The following TTC29 variants were observed in gnomAD, a reference collection of about 807,000 sequenced individuals.
TTC29 encodes the protein tetratricopeptide repeat domain 29, also known as tetratricopeptide repeat protein 29.
In TTC29, 49 loss-of-function variants were observed where a neutral mutation model predicts 58.1. The observed-to-expected ratio is 0.84, with a 90% confidence interval of 0.67 to 1.07. The LOEUF (loss-of-function observed/expected upper bound fraction) is 1.07, where lower values mean the gene tolerates loss of function less well. Among genes scored for constraint, TTC29 ranks in the 50% least tolerant of loss-of-function variants. TTC29 has a pLI of 0.00. For missense variants in TTC29, 582 were observed against 555.6 expected (o/e 1.05, Z -0.48); for synonymous variants, 209 against 196.8 (o/e 1.06, Z -0.52).
chr4:146,861,730 A>C (rs890160423), intron 8 of TTC29, among the ~76,000 whole-genome samples: 1 of 152,162 alleles, frequency 6.6e-6, no homozygotes, highest in Non-Finnish European at 1.5e-5. Flanking sequence ...ATTTCAGATT[A>C]ATAGAACTAT....
chr4:146,854,084 T>A (rs1561190420), intron 8 of TTC29, among the ~76,000 whole-genome samples: 1 of 152,114 alleles, frequency 6.6e-6, no homozygotes, highest in Non-Finnish European at 1.5e-5. Context: ...TCCTAGAGCG[T>A]CCCAGCAGGA....
At chr4:146,717,254 T>C (rs960673221) in intron 11 of TTC29, among the ~76,000 whole-genome samples, 5 of 152,090 alleles carry the variant, frequency 3.3e-5, no homozygotes, top group African/African-American at 1.2e-4. Context: ...GGGAATATGG[T>C]CAGCACTTGT....
intron 4 of TTC29, among the ~76,000 whole-genome samples, chr4:146,925,154 T>C (rs1734841332): frequency 6.6e-6 from 1 of 152,044 alleles, no homozygotes. Flanking sequence ...AAATCCTCCA[T>C]GCACAGTTGA....
intron 6 of TTC29, among the ~76,000 whole-genome samples, chr4:146,877,207 G>T (rs188088503): frequency 2.8e-4 from 42 of 152,178 alleles, no homozygotes; most frequent in Admixed American, 2.8e-3. Flanking sequence ...AGCATTATCA[G>T]TGTTATGTCT....
In TTC29 at chr4:146,890,510, G is replaced by A. The variant is rs143922970; in HGVS notation, c.586+13034C>T. Among the ~76,000 whole-genome samples, 5 of 152,138 alleles carry A rather than the reference G, an allele frequency of 3.3e-5. No individual in the cohort carries two copies. The East Asian group carries it at 7.7e-4, about 23-fold the overall frequency. Reference sequence around the variant, plus strand: ...AAGAGATAACTAGAATCACAGACACGGTTACAAGTGAGGTGCACCTGGGAG... The same window carrying A: ...AAGAGATAACTAGAATCACAGACACAGTTACAAGTGAGGTGCACCTGGGAG... On this transcript the variant is annotated intron_variant, in intron 6 of 12. Transcript: ENST00000325106.
intron 11 of TTC29, among the ~76,000 whole-genome samples, chr4:146,787,201 G>T (rs1749088472): frequency 6.6e-6 from 1 of 152,170 alleles, no homozygotes; most frequent in Non-Finnish European, 1.5e-5. Flanking sequence ...ATATGAAGGT[G>T]ATGGTACATG....
intron 11 of TTC29, among the ~76,000 whole-genome samples, chr4:146,777,957 G>T (rs911029258): frequency 2.0e-5 from 3 of 152,136 alleles, no homozygotes; most frequent in Non-Finnish European, 4.4e-5. Flanking sequence ...GGGTGGATTG[G>T]GGTGAAAAAA....
rs550897502 is a variant in TTC29, at chr4:146,734,044, C to T, written c.1331-26493G>A. ...TAACTAAAGAAGAAATGTTAGACAA[C>T]TGGCCAAAGGAGAGCTACAAAACTT... On this transcript the variant is annotated intron_variant, in intron 11 of 12. Coordinates refer to ENST00000325106, the MANE Select transcript of TTC29 (RefSeq NM_031956.4). Among the ~76,000 whole-genome samples the T allele has an allele frequency of 3.9e-5, 6 of 152,216 alleles. No homozygotes were observed. In the South Asian group the frequency reaches 1.2e-3, roughly 32 times the overall value.
intron 2 of TTC29, among the ~76,000 whole-genome samples, chr4:146,940,829 C>G (rs138316152): frequency 1.3e-5 from 2 of 152,334 alleles, no homozygotes; most frequent in East Asian, 3.9e-4. Flanking sequence ...GCTTTATCCC[C>G]TTTTAGGGTC....
rs1250048875 is a variant in TTC29 at position 146,917,617 on chromosome 4, A to ACATTATATATTATGTATATAATATC, written c.177-8369_177-8368insGATATTATATACATAATATATAATG. On this transcript the variant is annotated intron_variant, in intron 4 of 12. Transcript: ENST00000325106. ...ATACATTATATATTATTTATAATAT[A>ACATTATATATTATGTATATAATATC]TAATTAGATATTATATAAATTATAT... Among the ~76,000 whole-genome samples, 244 of 143,152 alleles carry ACATTATATATTATGTATATAATATC rather than the reference A, an allele frequency of 1.7e-3. 1 individual carries two copies. The highest frequency in any genetic ancestry group is 3.3e-3 in the East Asian group (16 of 4,830). The allele number at this position is 143,152 out of a possible 152,430, so 93.9% of individuals were successfully genotyped here.
intron 10 of TTC29, among the ~76,000 whole-genome samples, chr4:146,814,494 G>A (rs970566509): frequency 2.0e-5 from 3 of 152,018 alleles, no homozygotes; most frequent in African/African-American, 7.2e-5. Flanking sequence ...TTGGGAGGCC[G>A]AAGTGGGCGG....
intron 7 of TTC29, among the ~76,000 whole-genome samples, chr4:146,873,416 G>C (rs535335920): frequency 6.6e-6 from 1 of 152,262 alleles, no homozygotes; most frequent in African/African-American, 2.4e-5. Context: ...CTCTTCTCCT[G>C]ATCTGATCTT....
At chr4:146,888,170 C>CA (rs1258720363) in intron 6 of TTC29, among the ~76,000 whole-genome samples, 1 of 151,968 alleles carries the variant, frequency 6.6e-6, no homozygotes, top group African/African-American at 2.4e-5. Flanking sequence ...ACACAAGTCC[C>CA]AAAAAAGAAT....
chr4:146,710,125 A>T (rs1042380534), intron 11 of TTC29, among the ~76,000 whole-genome samples: 2 of 152,182 alleles, frequency 1.3e-5, no homozygotes, highest in African/African-American at 4.8e-5. Context: ...AACGACAAGA[A>T]TACCTTCTAA....
chr4:146,735,530 T>G (rs562676172), intron 11 of TTC29, among the ~76,000 whole-genome samples: 1 of 152,314 alleles, frequency 6.6e-6, no homozygotes, highest in South Asian at 2.1e-4. Context: ...ATAGCCAGCC[T>G]GGTAGCTTGG....
intron 4 of TTC29, among the ~76,000 whole-genome samples, chr4:146,936,362 T>C (rs1735818421): frequency 6.6e-6 from 1 of 152,216 alleles, no homozygotes; most frequent in East Asian, 1.9e-4. Context: ...GTTTTTAATT[T>C]AATTCCAATT....
chr4:146,876,346 T>C (rs187526130), intron 6 of TTC29, among the ~76,000 whole-genome samples: 1 of 152,202 alleles, frequency 6.6e-6, no homozygotes, highest in South Asian at 2.1e-4. Context: ...TTATTAAGTA[T>C]AACTTACTCT....
At chr4:146,713,262 A>G (rs891396024) in intron 11 of TTC29, among the ~76,000 whole-genome samples, 27 of 146,114 alleles carry the variant, frequency 1.8e-4, no homozygotes, top group Non-Finnish European at 2.7e-4. Context: ...ATGTTGGCAT[A>G]TAATTGGGTG....
chr4:146,738,674 A>G (rs186599905), intron 11 of TTC29, among the ~76,000 whole-genome samples: 199 of 152,198 alleles, frequency 1.3e-3, no homozygotes, highest in Non-Finnish European at 2.2e-3. Flanking sequence ...GCTTCAGGAA[A>G]CAGAATCTCT....
Sources: gnomAD v4.1 joint callset for allele counts (sites outside exome capture counted in the v4.1 genomes callset) on GRCh38, gnomAD v4.1.1 for gene constraint, MANE v1.5 for transcripts, NCBI Gene and HGNC (gene_info 2026-07-23, HGNC 2026-07-21) for gene names.